Variants in RGR observed in about 807,000 individuals in gnomAD.
RGR encodes RPE-retinal G protein-coupled receptor.
In RGR, 30 loss-of-function variants were observed where a neutral mutation model predicts 28.6. The ratio of observed to expected loss-of-function variants is 1.05; its 90% CI spans 0.78 to 1.42. RGR has a LOEUF of 1.42. Ranked by LOEUF, RGR falls within the 40% of genes most tolerant of loss-of-function variation. The probability of loss-of-function intolerance (pLI) is 0.00; values close to 1 mark genes in which losing one functional copy is unlikely to be tolerated. For missense variants in RGR, 404 were observed against 375.6 expected (o/e 1.08, Z -0.62); for synonymous variants, 180 against 156.4 (o/e 1.15, Z -1.13).
At position 84,258,700 on chromosome 10, in the gene RGR, C is replaced by G; in HGVS notation, c.*61C>G. ...CTGTTCCAGGAGTCCTGCCCAGCAG[C>G]CTCAGTGGCCAAGCCCAGACACTCA... On this transcript the variant is annotated 3_prime_UTR_variant, in exon 7 of 7. Coordinates refer to ENST00000652092, the MANE Select transcript of RGR (RefSeq NM_001012720.2). 6.2e-7 allele frequency: 1 copy of G among 1,610,228 alleles called. No individual in the cohort carries two copies. Among genetic ancestry groups the G allele is most frequent in the Non-Finnish European group, 8.5e-7 (1 of 1,178,596 alleles).
At chr10:84,254,532 A>G in intron 5 of RGR, 89 bp downstream of exon 5, 2 of 1,060,964 alleles carry the variant, frequency 1.9e-6, no homozygotes, top group Non-Finnish European at 2.9e-6. Flanking sequence ...TGTGACACAC[A>G]CAAACAGCAA....
At position 84,252,869 on chromosome 10, in the gene RGR, C is replaced by T; in HGVS notation, c.371C>T (p.Ala124Val). 1 of 1,614,132 alleles carries T rather than the reference C, an allele frequency of 6.2e-7. No homozygotes were observed. Among genetic ancestry groups the T allele is most frequent in the Non-Finnish European group, 8.5e-7 (1 of 1,180,048 alleles). The part of the protein sequence containing the change: ...YHHYCTRSQL[A>V]WNSAVSLVLF... ...CTGTCCTGTGCAGGTAGCCAGCTGGCCTGGAACTCAGCCGTCTCTCTGGTG... is the reference window on the plus strand; with the variant it reads ...CTGTCCTGTGCAGGTAGCCAGCTGGTCTGGAACTCAGCCGTCTCTCTGGTG... Residue 124 changes from alanine (A) to valine (V), a missense_variant, in exon 4 of 7, where the codon GCC (alanine) becomes GTC (valine). Coordinates refer to ENST00000652092, the MANE Select transcript of RGR (RefSeq NM_001012720.2).
chr10:84,248,830 A>T, intron 2 of RGR, 92 bp from the exon 3 acceptor site: 1 of 1,611,514 alleles, frequency 6.2e-7, no homozygotes, highest in Non-Finnish European at 8.5e-7. Flanking sequence ...GAAGGGCAGC[A>T]TTCAGGAACA....
Position 84,257,993 on chromosome 10 carries a change from C to T in RGR, c.731C>T (p.Pro244Leu), listed in dbSNP as rs1262051908. The T allele has an allele frequency of 1.2e-6, 2 of 1,613,904 alleles. No individual in the cohort carries two copies. The highest frequency in any genetic ancestry group is 1.3e-5 in the African/African-American group (1 of 74,930). The change falls in exon 6 of 7, where the codon CCC becomes CTC. Residue 244 changes from proline (P) to leucine (L), a missense_variant. Pro to Leu is a moderately conservative substitution (Grantham distance 98). Coordinates refer to ENST00000652092, the MANE Select transcript of RGR (RefSeq NM_001012720.2). Reference sequence around the variant, plus strand: ...ATCGCAGACGTGACTTCCATCTCCCCCAAACTGCAGATGGTACAGATACTT... The same window carrying T: ...ATCGCAGACGTGACTTCCATCTCCCTCAAACTGCAGATGGTACAGATACTT... The part of the protein sequence containing the change: ...AVIADVTSIS[P>L]KLQMVPALIA...
chr10:84,245,266 A>T (rs1396457382), intron 1 of RGR, 97 bp downstream of exon 1: 5 of 1,246,464 alleles, frequency 4.0e-6, no homozygotes, highest in East Asian at 4.8e-5. Flanking sequence ...GAGGTCCCCA[A>T]ACCCAGCTGG....
chr10:84,245,688 C>T (rs1378134030), intron 1 of RGR, among the ~76,000 whole-genome samples: 1 of 152,120 alleles, frequency 6.6e-6, no homozygotes, highest in Non-Finnish European at 1.5e-5. Flanking sequence ...AAGTGCTAGC[C>T]TAAATAGACT....
intron 3 of RGR, among the ~76,000 whole-genome samples, chr10:84,249,501 TG>T (rs539187840): frequency 1.0e-3 from 156 of 152,226 alleles, no homozygotes; most frequent in African/African-American, 3.4e-3. Flanking sequence ...TTAGTAGAGA[TG>T]GGGTTTCACC....
At chr10:84,247,560 C>T (rs1161600887) in intron 1 of RGR, 31 bp from the exon 2 acceptor site, 1 of 1,613,430 alleles carries the variant, frequency 6.2e-7, no homozygotes, top group East Asian at 2.2e-5. Context: ...GCCTCAGCAG[C>T]CCCAATGCCA....
chr10:84,256,156 CCT>C (rs759142133), intron 5 of RGR, among the ~76,000 whole-genome samples: 1 of 142,060 alleles, frequency 7.0e-6, no homozygotes, highest in Non-Finnish European at 1.5e-5. Flanking sequence ...GCAACCTCCG[CCT>C]CTCGGGTTCA....
At chr10:84,251,248 A>T (rs1333046071) in intron 3 of RGR, among the ~76,000 whole-genome samples, 1 of 152,144 alleles carries the variant, frequency 6.6e-6, no homozygotes, top group African/African-American at 2.4e-5. Flanking sequence ...AATTTTTTTA[A>T]AAAAAGACAG....
At chr10:84,250,545 CACACACA>C in intron 3 of RGR, 2 of 691,386 alleles carry the variant, frequency 2.9e-6, no homozygotes, top group Non-Finnish European at 2.7e-6. Flanking sequence ...CACACACACA[CACACACA>C]CACCACCTTC....
intron 2 of RGR, chr10:84,248,521 C>T (rs1842775629): frequency 9.5e-6 from 3 of 317,378 alleles, no homozygotes; most frequent in South Asian, 3.2e-5. Flanking sequence ...CCTTTGCTTG[C>T]CCTTTTAGGC....
intron 1 of RGR, among the ~76,000 whole-genome samples, chr10:84,246,359 G>GT (rs972837827): frequency 3.3e-5 from 5 of 151,998 alleles, no homozygotes; most frequent in Non-Finnish European, 5.9e-5. Flanking sequence ...TCATTTGTAG[G>GT]TTTTTTTAAT....
intron 3 of RGR, among the ~76,000 whole-genome samples, chr10:84,249,579 G>A (rs1359290822): frequency 6.6e-6 from 1 of 152,190 alleles, no homozygotes; most frequent in Non-Finnish European, 1.5e-5. Flanking sequence ...CCAAAGTGCT[G>A]GGATTACAGG....
At chr10:84,248,049 C>A in intron 2 of RGR, 3 of 582,920 alleles carry the variant, frequency 5.1e-6, no homozygotes, top group Non-Finnish European at 5.7e-6. Flanking sequence ...TAGTTCTGGG[C>A]TTCTTCCATA....
chr10:84,252,572 G>C (rs894682169), intron 3 of RGR, among the ~76,000 whole-genome samples: 1 of 152,200 alleles, frequency 6.6e-6, no homozygotes, highest in Non-Finnish European at 1.5e-5. Context: ...CTCTTCACTT[G>C]CCTGAGGCTC....
At chr10:84,257,837 T>C (rs1842906259) in intron 5 of RGR, 56 bp from the exon 6 acceptor site, 10 of 1,510,524 alleles carry the variant, frequency 6.6e-6, no homozygotes, top group Non-Finnish European at 8.3e-6. Context: ...CTTGGCCACA[T>C]AGGGCTGTGG....
At chr10:84,248,312 C>A in intron 2 of RGR, 1 of 570,922 alleles carries the variant, frequency 1.8e-6, no homozygotes, top group Non-Finnish European at 2.5e-6. Flanking sequence ...CCTCCTTATA[C>A]AAAAACCAGG....
At chr10:84,253,597 C>T (rs1842846828) in intron 4 of RGR, among the ~76,000 whole-genome samples, 2 of 152,224 alleles carry the variant, frequency 1.3e-5, no homozygotes, top group African/African-American at 4.8e-5. Flanking sequence ...GGAATGGTCA[C>T]ATGGGCTCCA....
Sources: allele counts gnomAD v4.1 joint callset (sites outside exome capture counted in the v4.1 genomes callset), GRCh38; gene constraint gnomAD v4.1.1; transcripts MANE v1.5; gene names NCBI Gene and HGNC (gene_info 2026-07-23, HGNC 2026-07-21).